The following AGBL1 variants were observed in gnomAD, a reference collection of about 807,000 sequenced individuals.
AGBL1 encodes AGBL carboxypeptidase 1.
AGBL1 carries 130 observed loss-of-function variants against 118.9 expected under a neutral mutation model. The ratio of observed to expected loss-of-function variants is 1.09; its 90% CI spans 0.95 to 1.26. AGBL1 has a LOEUF of 1.26. Ranked by LOEUF, AGBL1 falls within the 50% of genes most tolerant of loss-of-function variation. The pLI is 0.00. For missense variants in AGBL1, 1,584 were observed against 1,298.1 expected (o/e 1.22, Z -3.38); for synonymous variants, 555 against 478.9 (o/e 1.16, Z -2.08).
intron 18 of AGBL1, among the ~76,000 whole-genome samples, chr15:86,419,296 T>A (rs1436862507): frequency 6.6e-6 from 1 of 151,954 alleles, no homozygotes; most frequent in Non-Finnish European, 1.5e-5. Context: ...GGTTAGAAAG[T>A]GGGTGCAGCC....
chr15:86,217,534 G>GA (rs1214567429), intron 5 of AGBL1, among the ~76,000 whole-genome samples: 1 of 152,076 alleles, frequency 6.6e-6, no homozygotes, highest in South Asian at 2.1e-4. Context: ...GAGAAAAGAG[G>GA]AAAAAAGGAT....
chr15:86,667,230 G>GTATC (rs1168447837), intron 21 of AGBL1, among the ~76,000 whole-genome samples: 1 of 145,088 alleles, frequency 6.9e-6, no homozygotes. Context: ...ATGTATGTAT[G>GTATC]TATGTATGTA....
chr15:86,141,842 C>T (rs964974915), intron 1 of AGBL1, among the ~76,000 whole-genome samples, 162 bp from the exon 2 acceptor site: 1 of 152,196 alleles, frequency 6.6e-6, no homozygotes, highest in African/African-American at 2.4e-5. Context: ...GGAGGCACAG[C>T]CCCTGGGTCT....
chr15:86,277,360 C>G (rs1210315370), intron 15 of AGBL1, among the ~76,000 whole-genome samples: 1 of 150,770 alleles, frequency 6.6e-6, no homozygotes, highest in Non-Finnish European at 1.5e-5. Flanking sequence ...TGTGAGAAGA[C>G]AGATTTGACA....
At chr15:86,346,505 C>A (rs2141892202) in intron 17 of AGBL1, among the ~76,000 whole-genome samples, 1 of 152,036 alleles carries the variant, frequency 6.6e-6, no homozygotes, top group South Asian at 2.1e-4. Context: ...CGCCACCATG[C>A]CTGGCTAATA....
chr15:86,400,742 A>G lies in AGBL1; in HGVS notation c.2555+3196A>G, dbSNP rs191598989. ...CCATTCCTGAGTTACTTCACTTAGAATAACAGTCTCCAACTCCATCCAAGT... is the reference window on the plus strand; with the variant it reads ...CCATTCCTGAGTTACTTCACTTAGAGTAACAGTCTCCAACTCCATCCAAGT... On this transcript the variant is annotated intron_variant, in intron 18 of 22. Transcript: ENST00000614907. Among the ~76,000 whole-genome samples the G allele has an allele frequency of 6.1e-3, 927 of 152,208 alleles. 7 individuals are homozygous for G. Among genetic ancestry groups the G allele is most frequent in the African/African-American group, 0.021 (888 of 41,538 alleles).
At chr15:86,503,991 A>G (rs919132200) in intron 18 of AGBL1, among the ~76,000 whole-genome samples, 1 of 151,518 alleles carries the variant, frequency 6.6e-6, no homozygotes, top group African/African-American at 2.4e-5. Context: ...TTCTGTGTCT[A>G]GTTGTTCTAT....
At chr15:86,354,677 G>T (rs1489853532) in intron 17 of AGBL1, among the ~76,000 whole-genome samples, 1 of 152,214 alleles carries the variant, frequency 6.6e-6, no homozygotes, top group African/African-American at 2.4e-5. Context: ...GTGGAGGTCA[G>T]ATCATGGTCT....
intron 6 of AGBL1, among the ~76,000 whole-genome samples, chr15:86,240,157 GA>G (rs1337634594): frequency 6.6e-5 from 10 of 152,114 alleles, no homozygotes; most frequent in Admixed American, 6.6e-5. Flanking sequence ...ATTTGTAAAA[GA>G]GGGAAAGTAA....
intron 22 of AGBL1, among the ~76,000 whole-genome samples, chr15:86,740,441 T>C (rs527283869): frequency 6.6e-6 from 1 of 152,308 alleles, no homozygotes; most frequent in South Asian, 2.1e-4. Context: ...TGTGTTCTTT[T>C]AGTCTGAAGA....
intron 24 of AGBL1, among the ~76,000 whole-genome samples, chr15:86,992,662 T>G (rs1368306453): frequency 6.6e-6 from 1 of 152,066 alleles, no homozygotes; most frequent in Non-Finnish European, 1.5e-5. Flanking sequence ...AGGGCTGCTG[T>G]TTCCCTGGGT....
At chr15:86,963,156 G>A (rs2141688988) in intron 23 of AGBL1, among the ~76,000 whole-genome samples, 1 of 152,020 alleles carries the variant, frequency 6.6e-6, no homozygotes, top group South Asian at 2.1e-4. Flanking sequence ...AGGAAATAAG[G>A]AGAATGACAA....
chr15:86,857,230 A>G (rs1567209825), intron 22 of AGBL1, among the ~76,000 whole-genome samples: 1 of 152,136 alleles, frequency 6.6e-6, no homozygotes, highest in Admixed American at 6.5e-5. Flanking sequence ...TGTTTCTACT[A>G]TCTATTCCCT....
intron 22 of AGBL1, among the ~76,000 whole-genome samples, chr15:86,857,562 A>G (rs1406517449): frequency 1.3e-5 from 2 of 152,096 alleles, no homozygotes; most frequent in Non-Finnish European, 2.9e-5. Flanking sequence ...CTTACTTTGA[A>G]TCTCAACTCA....
intron 21 of AGBL1, among the ~76,000 whole-genome samples, chr15:86,597,129 C>CTG: frequency 9.8e-6 from 1 of 101,992 alleles, no homozygotes; most frequent in Non-Finnish European, 1.9e-5. Flanking sequence ...TCTAATCTAC[C>CTG]TATATCCATC....
chr15:86,422,802 T>G (rs141575536), intron 18 of AGBL1, among the ~76,000 whole-genome samples: 5,303 of 152,074 alleles, frequency 0.035, 307 homozygotes, highest in African/African-American at 0.12. Flanking sequence ...TACCATCAGA[T>G]AATACCATAA....
rs369519798 is a variant in AGBL1 at position 86,217,524 on chromosome 15, G to A, written c.489-7390G>A. 2.9e-4 allele frequency among the ~76,000 whole-genome samples: 44 copies of A among 152,284 alleles called. No homozygotes were observed. The East Asian group carries it at 4.8e-3, about 17-fold the overall frequency. Reference sequence around the variant, plus strand: ...ATAACTGCAAACTAAATTGTGCAATGAGAAAAGAGGAAAAAAGGATGAATG... The same window carrying A: ...ATAACTGCAAACTAAATTGTGCAATAAGAAAAGAGGAAAAAAGGATGAATG... On this transcript the variant is annotated intron_variant, in intron 5 of 22. Transcript: ENST00000614907.
At chr15:86,429,759 A>G (rs1234050786) in intron 18 of AGBL1, among the ~76,000 whole-genome samples, 3 of 152,238 alleles carry the variant, frequency 2.0e-5, no homozygotes, top group African/African-American at 7.2e-5. Flanking sequence ...GAAATCAGGC[A>G]TTTTTCTTAA....
intron 22 of AGBL1, among the ~76,000 whole-genome samples, chr15:86,846,098 G>A (rs2079313404): frequency 6.6e-6 from 1 of 152,138 alleles, no homozygotes; most frequent in Non-Finnish European, 1.5e-5. Context: ...CATATACTTA[G>A]ATTTTCTTTT....
Sources: gnomAD v4.1 joint callset for allele counts (sites outside exome capture counted in the v4.1 genomes callset) on GRCh38, gnomAD v4.1.1 for gene constraint, MANE v1.5 for transcripts, NCBI Gene and HGNC (gene_info 2026-07-23, HGNC 2026-07-21) for gene names.